PLCG2: variants seen among roughly 807,000 people sequenced by gnomAD.
PLCG2 encodes 1-phosphatidylinositol 4,5-bisphosphate phosphodiesterase gamma-2.
Under a neutral mutation model 175.6 loss-of-function variants are expected in PLCG2, and 69 were observed. The observed-to-expected ratio is 0.39, with a 90% CI of 0.32 to 0.48. PLCG2 has a LOEUF of 0.48. Among genes scored for constraint, PLCG2 ranks in the 20% least tolerant of loss-of-function variants. The pLI, the probability that PLCG2 is intolerant of heterozygous loss-of-function variation, is 0.91. For missense variants in PLCG2, 1,798 were observed against 1,650.9 expected (o/e 1.09, Z -1.54); for synonymous variants, 827 against 624.0 (o/e 1.33, Z -4.85).
intron 13 of PLCG2, among the ~76,000 whole-genome samples, chr16:81,896,594 A>C (rs1908901944): frequency 6.6e-6 from 1 of 152,096 alleles, no homozygotes; most frequent in Admixed American, 6.5e-5. Context: ...AAAAAACCCA[A>C]AAAAACAAAA....
At chr16:81,865,759 TGA>T (rs748309146) in intron 5 of PLCG2, among the ~76,000 whole-genome samples, 57 of 147,724 alleles carry the variant, frequency 3.9e-4, no homozygotes, top group Middle Eastern at 7.1e-3. Flanking sequence ...GGCAGCAGCG[TGA>T]GAGGACGCTG....
In PLCG2 at chr16:81,937,874, A is replaced by C. The variant is rs749745019; in HGVS notation, c.3169A>C (p.Arg1057=). The change falls in exon 28 of 33, where the codon AGG becomes CGG. Residue 1057 remains arginine, a synonymous_variant. Transcript: ENST00000564138. Reference sequence around the variant, plus strand: ...TGACCCGATGCCACCCGAGTCCCAGAGGAAGATCCTGATGACGCTGACAGT... The same window carrying C: ...TGACCCGATGCCACCCGAGTCCCAGCGGAAGATCCTGATGACGCTGACAGT... ...KYDPMPPESQ[R]KILMTLTVKV... is the part of the protein sequence containing the mutation. The C allele has an allele frequency of 1.9e-5, 31 of 1,614,060 alleles. No individual in the cohort carries two copies. Among genetic ancestry groups the C allele is most frequent in the Non-Finnish European group, 2.6e-5 (31 of 1,180,012 alleles).
At chr16:81,751,233 A>C (rs1245717256) in intron 1 of PLCG2, among the ~76,000 whole-genome samples, 1 of 152,060 alleles carries the variant, frequency 6.6e-6, no homozygotes, top group African/African-American at 2.4e-5. Context: ...CACCTGCCTC[A>C]GCCTCCCATA....
intron 1 of PLCG2, among the ~76,000 whole-genome samples, chr16:81,781,574 G>T (rs531909849): frequency 6.6e-6 from 1 of 152,212 alleles, no homozygotes. Flanking sequence ...TTGCCCTAAA[G>T]GAGCAGGGGT....
chr16:81,751,211 C>G (rs1342884862), intron 1 of PLCG2, among the ~76,000 whole-genome samples: 1 of 151,342 alleles, frequency 6.6e-6, no homozygotes, highest in Non-Finnish European at 1.5e-5. Context: ...AAACTCCTGA[C>G]CTCAGGTGAT....
chr16:81,926,268 C>T (rs1330626764), intron 22 of PLCG2, among the ~76,000 whole-genome samples: 1 of 152,128 alleles, frequency 6.6e-6, no homozygotes, highest in Non-Finnish European at 1.5e-5. Context: ...AGAGTCTGGG[C>T]TGGATTCTGG....
rs116777059 is a variant in PLCG2 at position 81,780,503 on chromosome 16, C to G, written c.-48+1079C>G. ...TTTTGAAGTCTATGCCAGCCTCAAG[C>G]AGTTTCTCTTGCAAAGGTGTGTGTG... On this transcript the variant is annotated intron_variant, in intron 1 of 32. Transcript: ENST00000564138. Among the ~76,000 whole-genome samples the G allele has an allele frequency of 9.9e-3, 1,505 of 152,320 alleles. 30 individuals are homozygous for G. Among genetic ancestry groups the G allele is most frequent in the African/African-American group, 0.035 (1,445 of 41,570 alleles).
At chr16:81,929,470 A>G (rs769088820) in intron 24 of PLCG2, among the ~76,000 whole-genome samples, 1 of 152,144 alleles carries the variant, frequency 6.6e-6, no homozygotes, top group East Asian at 1.9e-4. Flanking sequence ...ATCTTGGCTC[A>G]CTGCAACCTC....
At chr16:81,889,007 G>T (rs1268372417) in intron 9 of PLCG2, among the ~76,000 whole-genome samples, 165 bp from the exon 10 acceptor site, 1 of 152,120 alleles carries the variant, frequency 6.6e-6, no homozygotes, top group Non-Finnish European at 1.5e-5. Context: ...ACCCCTGGCA[G>T]AGGGCCATGT....
intron 2 of PLCG2, among the ~76,000 whole-genome samples, chr16:81,839,734 C>A (rs1222558505): frequency 1.3e-5 from 2 of 152,142 alleles, no homozygotes; most frequent in Non-Finnish European, 2.9e-5. Flanking sequence ...GTGAAAAACA[C>A]CAAGTTTAAA....
intron 1 of PLCG2, among the ~76,000 whole-genome samples, chr16:81,781,385 C>CG (rs1185787537): frequency 6.6e-6 from 1 of 150,574 alleles, no homozygotes; most frequent in Non-Finnish European, 1.5e-5. Context: ...TCCAGGAGGC[C>CG]CCCCACATTG....
intron 7 of PLCG2, among the ~76,000 whole-genome samples, chr16:81,872,318 A>T (rs1907555250): frequency 6.6e-6 from 1 of 152,108 alleles, no homozygotes; most frequent in Non-Finnish European, 1.5e-5. Context: ...ACAGAGTGAG[A>T]CTCCATCTCA....
chr16:81,750,663 A>ATTTTTTTTTTTT (rs543220131), intron 1 of PLCG2, among the ~76,000 whole-genome samples: 16,817 of 68,150 alleles, frequency 0.25, 5,911 homozygotes, highest in East Asian at 0.39. Flanking sequence ...GGGACTGGAG[A>ATTTTTTTTTTTT]TTTTTTTTTT....
intron 2 of PLCG2, among the ~76,000 whole-genome samples, chr16:81,843,628 G>C (rs1905952527): frequency 6.6e-6 from 1 of 152,122 alleles, no homozygotes; most frequent in Non-Finnish European, 1.5e-5. Context: ...CCATTGCTAA[G>C]CATGTTTGCA....
chr16:81,760,742 C>G (rs183878108), intron 2 of PLCG2, among the ~76,000 whole-genome samples: 1 of 78,878 alleles, frequency 1.3e-5, no homozygotes, highest in African/African-American at 5.2e-5. Context: ...GAGACCCCGT[C>G]TCTATTAAAA....
At chr16:81,844,089 G>A (rs1383205759) in intron 2 of PLCG2, among the ~76,000 whole-genome samples, 6 of 142,856 alleles carry the variant, frequency 4.2e-5, no homozygotes, top group African/African-American at 1.3e-4. Context: ...CCATTCTCCT[G>A]CCTCAGCCTC....
At chr16:81,790,137 T>C (rs967677293) in intron 2 of PLCG2, among the ~76,000 whole-genome samples, 2 of 152,206 alleles carry the variant, frequency 1.3e-5, no homozygotes, top group African/African-American at 4.8e-5. Flanking sequence ...AATGAGAAGA[T>C]GCATTGGAGA....
At chr16:81,817,344 C>T (rs991552965) in intron 2 of PLCG2, among the ~76,000 whole-genome samples, 5 of 152,208 alleles carry the variant, frequency 3.3e-5, no homozygotes, top group Non-Finnish European at 7.3e-5. Context: ...TGAATTAGTG[C>T]GTGTGAAGCA....
intron 20 of PLCG2, among the ~76,000 whole-genome samples, chr16:81,919,920 T>G (rs1288503751): frequency 4.6e-5 from 7 of 152,096 alleles, no homozygotes; most frequent in African/African-American, 1.4e-4. Context: ...AGAAAAACAC[T>G]GGGCAGGTGG....
Sources: allele counts gnomAD v4.1 joint callset (sites outside exome capture counted in the v4.1 genomes callset), GRCh38; gene constraint gnomAD v4.1.1; transcripts MANE v1.5; gene names NCBI Gene and HGNC (gene_info 2026-07-23, HGNC 2026-07-21).